Variants in RNF43 observed in about 807,000 individuals in gnomAD.
RNF43 encodes ring finger protein 43, also known as E3 ubiquitin-protein ligase RNF43.
A neutral mutation model predicts 78.4 loss-of-function variants in RNF43; 37 were observed. That is an observed-to-expected ratio of 0.47 (90% confidence interval 0.36 to 0.62). RNF43 has a LOEUF of 0.62. RNF43 is among the 20% of genes least tolerant of loss of function. The probability of loss-of-function intolerance (pLI) is 0.00; values close to 1 mark genes in which losing one functional copy is unlikely to be tolerated. For synonymous variants in RNF43, 347 were observed against 395.0 expected, an observed-to-expected ratio of 0.88 and a Z score of 1.44; for missense variants, 774 against 1,007.9, an observed-to-expected ratio of 0.77 and a Z score of 3.14.
chr17:58,361,053 T>TTGAA, intron 6 of RNF43, 109 bp from the exon 7 acceptor site: 1 of 1,160,422 alleles, frequency 8.6e-7, no homozygotes, highest in Non-Finnish European at 1.2e-6. Flanking sequence ...ACATGGCCAG[T>TTGAA]TGAACATCCT....
chr17:58,368,504 G>A (rs1486658515), intron 3 of RNF43, among the ~76,000 whole-genome samples: 3 of 151,448 alleles, frequency 2.0e-5, no homozygotes, highest in South Asian at 2.1e-4. Flanking sequence ...CTGAGACCAC[G>A]CCACTGCACT....
intron 2 of RNF43, among the ~76,000 whole-genome samples, chr17:58,390,583 T>A (rs1973531871): frequency 6.6e-6 from 1 of 152,204 alleles, no homozygotes; most frequent in African/African-American, 2.4e-5. Flanking sequence ...TATATGAACA[T>A]CTTTAGAAAT....
At chr17:58,377,250 A>C (rs1021410681) in intron 2 of RNF43, among the ~76,000 whole-genome samples, 16 of 152,196 alleles carry the variant, frequency 1.1e-4, no homozygotes, top group Admixed American at 3.3e-4. Flanking sequence ...GACACTTAGT[A>C]AGTGCTCACT....
At chr17:58,395,909 C>T (rs1341031171) in intron 2 of RNF43, among the ~76,000 whole-genome samples, 2 of 152,098 alleles carry the variant, frequency 1.3e-5, no homozygotes, top group Admixed American at 6.5e-5. Context: ...AAAATCTAAG[C>T]CTTCATTTGA....
rs2143392166 is a variant in RNF43 at position 58,357,736 on chromosome 17, A to G, written c.2040T>C (p.Ile680=). Residue 680 remains isoleucine (I), a synonymous_variant, in exon 9 of 10, where the codon ATT becomes ATC. Coordinates refer to ENST00000407977, the MANE Select transcript of RNF43 (RefSeq NM_017763.6). The surrounding 1 kb of genome is among the most constrained non-coding windows in gnomAD (Gnocchi z 4.5). ...CCACACTGGGGGTGTAATGGGGAAA[A>G]ATCTGGCAAGCTGGGTGCACAGTTG... is the stretch of plus-strand genomic sequence containing the variant. The part of the protein sequence containing the change: ...QDATVHPACQ[I]FPHYTPSVAY... 1 of 1,612,110 alleles carries G rather than the reference A, an allele frequency of 6.2e-7. No individual in the cohort carries two copies. The highest frequency in any genetic ancestry group is 8.5e-7 in the Non-Finnish European group (1 of 1,179,048).
At chr17:58,396,329 A>G (rs1274416834) in intron 2 of RNF43, among the ~76,000 whole-genome samples, 1 of 152,224 alleles carries the variant, frequency 6.6e-6, no homozygotes, top group African/African-American at 2.4e-5. Flanking sequence ...TTAAGGGGCA[A>G]GATAGTCAAC....
intron 2 of RNF43, among the ~76,000 whole-genome samples, chr17:58,408,348 G>A (rs1274976533): frequency 6.6e-6 from 1 of 151,990 alleles, no homozygotes; most frequent in African/African-American, 2.4e-5. Context: ...TTCTCAAAGG[G>A]GCCTGTGGCA....
chr17:58,369,031 G>T (rs987199956), intron 3 of RNF43, among the ~76,000 whole-genome samples: 1 of 151,838 alleles, frequency 6.6e-6, no homozygotes, highest in Non-Finnish European at 1.5e-5. Context: ...TAGCAGCAAA[G>T]CTTCTCGGAA....
chr17:58,394,427 T>C (rs1401946377), intron 2 of RNF43, among the ~76,000 whole-genome samples: 2 of 152,126 alleles, frequency 1.3e-5, no homozygotes, highest in African/African-American at 2.4e-5. Context: ...AAGTAAAGCA[T>C]TGAGTATTAT....
intron 2 of RNF43, among the ~76,000 whole-genome samples, chr17:58,374,553 TGGCTAATTTTTG>T (rs1349668705): frequency 1.3e-5 from 2 of 152,086 alleles, no homozygotes; most frequent in Non-Finnish European, 2.9e-5. Context: ...CCACCATGTC[TGGCTAATTTTTG>T]TATTTTTAGT....
At chr17:58,403,618 C>G (rs972382543) in intron 2 of RNF43, among the ~76,000 whole-genome samples, 1 of 151,774 alleles carries the variant, frequency 6.6e-6, no homozygotes, top group South Asian at 2.1e-4. Context: ...TTTTTGCCAG[C>G]GGAAGTTTTC....
chr17:58,416,746 T>C (rs1051482970), intron 1 of RNF43: 4 of 152,214 alleles, frequency 2.6e-5, no homozygotes, highest in African/African-American at 4.8e-5. Context: ...TTGAGTAGAA[T>C]AGATCTGTGC....
intron 2 of RNF43, among the ~76,000 whole-genome samples, chr17:58,407,439 A>T (rs576987138): frequency 6.6e-6 from 1 of 152,134 alleles, no homozygotes; most frequent in Non-Finnish European, 1.5e-5. Context: ...ATAATGCACC[A>T]GGCCTTTGTG....
chr17:58,394,733 A>T (rs138820465), intron 2 of RNF43, among the ~76,000 whole-genome samples: 2,219 of 152,364 alleles, frequency 0.015, 25 homozygotes, highest in Non-Finnish European at 0.021. Context: ...ACTTCCAAGA[A>T]TAACAACAGG....
chr17:58,385,242 A>G (rs541723299), intron 2 of RNF43, among the ~76,000 whole-genome samples: 2 of 152,306 alleles, frequency 1.3e-5, no homozygotes, highest in Admixed American at 6.5e-5. Context: ...ATCTTTAATT[A>G]TGATTTCCAA....
intron 3 of RNF43, among the ~76,000 whole-genome samples, chr17:58,369,908 T>C (rs1194724858): frequency 6.6e-6 from 1 of 152,086 alleles, no homozygotes; most frequent in Admixed American, 6.5e-5. Flanking sequence ...GGCAAAGGTC[T>C]AAAGGTCCTG....
intron 2 of RNF43, among the ~76,000 whole-genome samples, chr17:58,407,386 C>A (rs1197236381): frequency 6.6e-6 from 1 of 152,018 alleles, no homozygotes; most frequent in Non-Finnish European, 1.5e-5. Context: ...AGCCTAGAGA[C>A]AAGAATTTCT....
chr17:58,371,088 G>A (rs1395317582), intron 2 of RNF43, 55 bp from the exon 3 acceptor site: 9 of 1,498,008 alleles, frequency 6.0e-6, no homozygotes, highest in Non-Finnish European at 8.1e-6. Context: ...GGAGTGAGCT[G>A]TGAGAGCCAT....
chr17:58,395,037 C>T (rs1251636834), intron 2 of RNF43: 1 of 152,220 alleles, frequency 6.6e-6, no homozygotes. Flanking sequence ...GAAAACAAAG[C>T]TCCTTATCGG....
Sources: allele counts gnomAD v4.1 joint callset (sites outside exome capture counted in the v4.1 genomes callset), GRCh38; gene constraint gnomAD v4.1.1; non-coding constraint Gnocchi (gnomAD v3.1); transcripts MANE v1.5; gene names NCBI Gene and HGNC (gene_info 2026-07-23, HGNC 2026-07-21).